NPAS2: variants seen among roughly 807,000 people sequenced by gnomAD.
NPAS2 encodes neuronal PAS domain-containing protein 2.
In NPAS2, 23 loss-of-function variants were observed where a neutral mutation model predicts 107.5. The observed-to-expected ratio is 0.21, with a 90% CI of 0.15 to 0.30. The LOEUF is 0.30. Among genes scored for constraint, NPAS2 ranks in the 10% least tolerant of loss-of-function variants. The pLI is 1.00. For missense variants in NPAS2, 756 were observed against 1,043.3 expected, an observed-to-expected ratio of 0.72 and a Z score of 3.79; for synonymous variants, 403 against 417.5, an observed-to-expected ratio of 0.97 and a Z score of 0.42.
chr2:100,989,978 G>A (rs1282838972), intron 17 of NPAS2: 4 of 420,046 alleles, frequency 9.5e-6, no homozygotes, highest in Non-Finnish European at 1.7e-5. Flanking sequence ...AGCCAGGAGG[G>A]CCATGTGTCT....
chr2:100,935,029 A>G, intron 4 of NPAS2: 1 of 985,424 alleles, frequency 1.0e-6, no homozygotes, highest in Non-Finnish European at 1.2e-6. Context: ...TAAGAGGCAC[A>G]AAACCAGACT....
At chr2:100,865,792 C>T (rs1380861123) in intron 1 of NPAS2, among the ~76,000 whole-genome samples, 3 of 152,142 alleles carry the variant, frequency 2.0e-5, no homozygotes. Context: ...ACTTTGGGAA[C>T]AAGGAGACTC....
At chr2:100,838,996 T>C (rs1677233286) in intron 1 of NPAS2, among the ~76,000 whole-genome samples, 1 of 152,120 alleles carries the variant, frequency 6.6e-6, no homozygotes, top group Non-Finnish European at 1.5e-5. Flanking sequence ...TGTGCCTGAC[T>C]CTCCTGCCTC....
At chr2:100,872,908 G>T (rs998584013) in intron 1 of NPAS2, among the ~76,000 whole-genome samples, 1 of 152,158 alleles carries the variant, frequency 6.6e-6, no homozygotes, top group African/African-American at 2.4e-5. Flanking sequence ...AGAGACTGGT[G>T]TCATTCATCT....
chr2:100,878,069 AGTG>A (rs1305866844), intron 1 of NPAS2: 18 of 985,286 alleles, frequency 1.8e-5, no homozygotes, highest in South Asian at 9.4e-5. Flanking sequence ...GATTGCAAAA[AGTG>A]GTGACGAGTC....
chr2:100,855,502 GT>G (rs1678498976), intron 1 of NPAS2, among the ~76,000 whole-genome samples: 1 of 152,218 alleles, frequency 6.6e-6, no homozygotes, highest in African/African-American at 2.4e-5. Context: ...AGCATTCCGA[GT>G]TGCTTGTCTG....
intron 1 of NPAS2, among the ~76,000 whole-genome samples, chr2:100,829,384 C>T (rs1365577858): frequency 1.3e-5 from 2 of 152,106 alleles, no homozygotes; most frequent in Non-Finnish European, 2.9e-5. Flanking sequence ...AACTCCTGAC[C>T]TCAAGTGATC....
At chr2:100,933,390 AT>A (rs1684096289) in intron 4 of NPAS2, among the ~76,000 whole-genome samples, 1 of 152,106 alleles carries the variant, frequency 6.6e-6, no homozygotes. Flanking sequence ...ATGATTATAC[AT>A]TTTTTCCCTT....
intron 1 of NPAS2, among the ~76,000 whole-genome samples, chr2:100,902,234 C>A (rs1024828965): frequency 2.0e-5 from 3 of 152,102 alleles, no homozygotes; most frequent in Non-Finnish European, 4.4e-5. Context: ...AAGCTGGTTC[C>A]AGATCCTATT....
At chr2:100,894,997 G>A (rs1278847343) in intron 1 of NPAS2, among the ~76,000 whole-genome samples, 1 of 152,228 alleles carries the variant, frequency 6.6e-6, no homozygotes, top group African/African-American at 2.4e-5. Context: ...AATGTAAGAT[G>A]GAGTCTTTCT....
chr2:100,838,380 C>T (rs1244731231), intron 1 of NPAS2, among the ~76,000 whole-genome samples: 2 of 152,156 alleles, frequency 1.3e-5, no homozygotes. Flanking sequence ...TGGGTTCACA[C>T]GATTCTTCTG....
At chr2:100,866,034 T>G (rs1342130621) in intron 1 of NPAS2, among the ~76,000 whole-genome samples, 1 of 152,186 alleles carries the variant, frequency 6.6e-6, no homozygotes, top group Non-Finnish European at 1.5e-5. Flanking sequence ...ATGTTCATGC[T>G]CAGCAATTCC....
At chr2:100,850,483 A>G (rs1395789269) in intron 1 of NPAS2, among the ~76,000 whole-genome samples, 1 of 152,196 alleles carries the variant, frequency 6.6e-6, no homozygotes, top group Admixed American at 6.5e-5. Flanking sequence ...AAGAAAAAGG[A>G]CGAGATCATT....
rs143692609 is a variant in NPAS2 at position 100,882,613 on chromosome 2, AAAAC to A, written c.-22-22104_-22-22101del. ...GGGAGACAGAGCGAGACTCCGTCTCAAAACAAACAAACAAACAAAAAACGATGGG... is the reference window on the plus strand; with the variant it reads ...GGGAGACAGAGCGAGACTCCGTCTCAAAACAAACAAACAAAAAACGATGGG... On this transcript the variant is annotated intron_variant, in intron 1 of 20. Coordinates refer to ENST00000335681, the MANE Select transcript of NPAS2 (RefSeq NM_002518.4). 5.7e-4 allele frequency among the ~76,000 whole-genome samples: 87 copies of A among 152,150 alleles called. 1 individual carries two copies. Among genetic ancestry groups the A allele is most frequent in the Non-Finnish European group, 1.0e-3 (70 of 67,978 alleles).
In NPAS2 at chr2:100,820,595, C is replaced by T. The variant is rs1259825357; in HGVS notation, c.-23+181C>T. Among the ~76,000 whole-genome samples, 1 of 152,064 alleles carries T rather than the reference C, an allele frequency of 6.6e-6. No homozygotes were observed. Among genetic ancestry groups the T allele is most frequent in the African/African-American group, 2.4e-5 (1 of 41,442 alleles). On this transcript the variant is annotated intron_variant, in intron 1 of 20. Coordinates refer to ENST00000335681, the MANE Select transcript of NPAS2 (RefSeq NM_002518.4). The surrounding 1 kb of genome is among the most constrained non-coding windows in gnomAD (Gnocchi z 5.6). ...CGGGGGCGCGGAGAGGTGGGTTCCC[C>T]TCCACAGTCAGGCCGCTGGGGGCTT...
intron 3 of NPAS2, among the ~76,000 whole-genome samples, chr2:100,932,291 A>G (rs1255523716): frequency 2.6e-5 from 4 of 152,272 alleles, no homozygotes; most frequent in Non-Finnish European, 5.9e-5. Flanking sequence ...ACAAATCGGC[A>G]TAATGTCTTC....
chr2:100,911,222 CA>C (rs1192726014), intron 2 of NPAS2, among the ~76,000 whole-genome samples: 2 of 152,140 alleles, frequency 1.3e-5, no homozygotes, highest in Non-Finnish European at 2.9e-5. Flanking sequence ...AACATAGTGG[CA>C]AGAAAATAAC....
intron 15 of NPAS2, 45 bp downstream of exon 15, chr2:100,977,844 G>C: frequency 1.3e-6 from 2 of 1,520,776 alleles, no homozygotes; most frequent in Non-Finnish European, 1.8e-6. Context: ...CAAGCCAGAA[G>C]TCCGCAGTGT....
Position 100,971,072 on chromosome 2 carries a change from A to G in NPAS2, c.1138A>G (p.Lys380Glu). The G allele has an allele frequency of 1.2e-6, 2 of 1,614,014 alleles. No homozygotes were observed. The highest frequency in any genetic ancestry group is 1.7e-6 in the Non-Finnish European group (2 of 1,179,912). The change falls in exon 12 of 21, where the codon AAG becomes GAG. Residue 380 changes from lysine to glutamate, a missense_variant and splice_region_variant. Around this residue, in one of 4 missense-constraint regions of NPAS2, gnomAD observed 496 missense variants for 594.4 expected, o/e 0.83. Coordinates refer to ENST00000335681, the MANE Select transcript of NPAS2 (RefSeq NM_002518.4). ...PSEALHSSAL[K>E]DKGSSLEPRQ... The stretch of plus-strand genomic sequence containing the variant: ...CGAGGCCCTCCACTCCTCAGCACTA[A>G]AGGTACGCCCATCCCTGCCAGATGG...
Sources: allele counts gnomAD v4.1 joint callset (sites outside exome capture counted in the v4.1 genomes callset), GRCh38; gene constraint gnomAD v4.1.1; regional missense constraint gnomAD v4.1.1; non-coding constraint Gnocchi (gnomAD v3.1); transcripts MANE v1.5; gene names NCBI Gene and HGNC (gene_info 2026-07-23, HGNC 2026-07-21).